PCDHGA6: variants seen among roughly 807,000 people sequenced by gnomAD.
The protein encoded by PCDHGA6 is protocadherin gamma subfamily A, 6.
Under a neutral mutation model 60.6 loss-of-function variants are expected in PCDHGA6, and 41 were observed. That is an observed-to-expected ratio of 0.68 (90% confidence interval 0.53 to 0.88). The LOEUF is 0.88. Among genes scored for constraint, PCDHGA6 ranks in the 40% least tolerant of loss-of-function variants. PCDHGA6 has a pLI of 0.00. For synonymous variants in PCDHGA6, 594 were observed against 524.4 expected, an observed-to-expected ratio of 1.13 and a Z score of -1.81; for missense variants, 1,312 against 1,203.0, an observed-to-expected ratio of 1.09 and a Z score of -1.34.
rs779656906 is a variant in PCDHGA6 at position 141,476,872 on chromosome 5, C to T, written c.2425-17935C>T. On this transcript the variant is annotated intron_variant, in intron 1 of 3. Transcript: ENST00000517434. The surrounding 1 kb of genome is among the most constrained non-coding windows in gnomAD (Gnocchi z 7.6). ...TCAACCAGTCCTTGTACCGGGCGCG[C>T]GTCCTGGAGGATGCACCCTCCGGCA... 1.6e-4 allele frequency: 254 copies of T among 1,613,734 alleles called. No individual in the cohort carries two copies. The highest frequency in any genetic ancestry group is 2.1e-4 in the Non-Finnish European group (248 of 1,180,054).
Position 141,500,251 on chromosome 5 carries a change from C to T in PCDHGA6, c.2484-5142C>T, listed in dbSNP as rs187199142. Among the ~76,000 whole-genome samples, 1,493 of 151,438 alleles carry T rather than the reference C, an allele frequency of 9.9e-3. 32 individuals are homozygous for T. Among genetic ancestry groups the T allele is most frequent in the African/African-American group, 0.035 (1,426 of 41,214 alleles). Reference sequence around the variant, plus strand: ...TGATACGTAGCCTTGCTCTGTCACCCAGGCTGGACTGCAGTGGCGCAATCT... The same window carrying T: ...TGATACGTAGCCTTGCTCTGTCACCTAGGCTGGACTGCAGTGGCGCAATCT... On this transcript the variant is annotated intron_variant, in intron 2 of 3. Coordinates refer to ENST00000517434, the MANE Select transcript of PCDHGA6 (RefSeq NM_018919.3).
At chr5:141,416,698 A>G (rs2096053724) in intron 1 of PCDHGA6, 1 of 152,250 alleles carries the variant, frequency 6.6e-6, no homozygotes, top group Non-Finnish European at 1.5e-5. Context: ...TAAACAAAGG[A>G]TCATTGGAGG....
intron 1 of PCDHGA6, among the ~76,000 whole-genome samples, chr5:141,488,938 A>T (rs1195859645): frequency 6.6e-6 from 1 of 152,154 alleles, no homozygotes; most frequent in East Asian, 1.9e-4. Context: ...AGGAAACTCC[A>T]TAATTGGTTG....
At chr5:141,382,959 G>A (rs994078805) in intron 1 of PCDHGA6, 3 of 1,607,324 alleles carry the variant, frequency 1.9e-6, no homozygotes, top group African/African-American at 1.3e-5. Flanking sequence ...CCATCCTCCT[G>A]GGGACCCCCT....
rs374663576 is a variant in PCDHGA6 at position 141,489,905 on chromosome 5, G to A, written c.2425-4902G>A. The A allele has an allele frequency of 2.8e-4, 459 of 1,614,108 alleles. No homozygotes were observed. Among genetic ancestry groups the A allele is most frequent in the Non-Finnish European group, 3.4e-4 (405 of 1,180,054 alleles). On this transcript the variant is annotated intron_variant, in intron 1 of 3. Coordinates refer to ENST00000517434, the MANE Select transcript of PCDHGA6 (RefSeq NM_018919.3). The surrounding 1 kb of genome is among the most constrained non-coding windows in gnomAD (Gnocchi z 4.5). ...GCTGTGGATGGGGGGACCCCAGCCC[G>A]CTCAGGGACCACCCTTATCTCTGTC...
chr5:141,441,905 C>G, intron 1 of PCDHGA6: 1 of 348,464 alleles, frequency 2.9e-6, no homozygotes, highest in Non-Finnish European at 5.5e-6. Flanking sequence ...GCTGTAGACG[C>G]AGATGTGAGA....
chr5:141,409,761 T>A, intron 1 of PCDHGA6: 1 of 1,612,966 alleles, frequency 6.2e-7, no homozygotes, highest in Non-Finnish European at 8.5e-7. Context: ...CAGCGCGCCT[T>A]TGATCACGAG....
In PCDHGA6 at chr5:141,477,787, C is replaced by A; in HGVS notation, c.2425-17020C>A. The stretch of plus-strand genomic sequence containing the variant: ...CCAACATCAGCGTGAACATATTTGT[C>A]ACTGATCGCAATGACAATGCCCCCC... On this transcript the variant is annotated intron_variant, in intron 1 of 3. Transcript: ENST00000517434. The surrounding 1 kb of genome is among the most constrained non-coding windows in gnomAD (Gnocchi z 4.9). The A allele has an allele frequency of 6.2e-7, 1 of 1,614,092 alleles. No homozygotes were observed. The highest frequency in any genetic ancestry group is 8.5e-7 in the Non-Finnish European group (1 of 1,180,034).
At chr5:141,436,335 A>T (rs2097814208) in intron 1 of PCDHGA6, among the ~76,000 whole-genome samples, 1 of 152,172 alleles carries the variant, frequency 6.6e-6, no homozygotes, top group African/African-American at 2.4e-5. Flanking sequence ...ACCATATCTC[A>T]AATATCAGTG....
At chr5:141,392,973 C>A (rs1405082783) in intron 1 of PCDHGA6, 1 of 1,613,888 alleles carries the variant, frequency 6.2e-7, no homozygotes, top group South Asian at 1.1e-5. Flanking sequence ...GGACCTGGGG[C>A]TGGACCCCCG....
intron 1 of PCDHGA6, among the ~76,000 whole-genome samples, chr5:141,468,178 T>G (rs1033546956): frequency 1.3e-5 from 2 of 151,580 alleles, no homozygotes; most frequent in African/African-American, 4.8e-5. Context: ...TAGAAAAATT[T>G]GCTGGGCATG....
chr5:141,455,787 C>T (rs1259121501), intron 1 of PCDHGA6, among the ~76,000 whole-genome samples: 2 of 152,004 alleles, frequency 1.3e-5, no homozygotes, highest in Non-Finnish European at 2.9e-5. Flanking sequence ...GAAACTTTTC[C>T]GGAGATGCTT....
intron 1 of PCDHGA6, among the ~76,000 whole-genome samples, chr5:141,425,919 G>C (rs11167745): frequency 0.3 from 45,848 of 152,124 alleles, 8,179 homozygotes; most frequent in African/African-American, 0.5. Context: ...CAGTCACTAC[G>C]AAAACTCATA....
intron 1 of PCDHGA6, chr5:141,395,555 TGTGTG>T: frequency 9.9e-6 from 1 of 101,256 alleles, no homozygotes; most frequent in Non-Finnish European, 1.7e-5. Context: ...TGTGTGTGTG[TGTGTG>T]TGTGTGTGTG....
At chr5:141,421,449 G>A (rs2096574013) in intron 1 of PCDHGA6, 2 of 1,614,010 alleles carry the variant, frequency 1.2e-6, no homozygotes, top group African/African-American at 1.3e-5. Flanking sequence ...GGAAGACACA[G>A]CTTTTCGCTG....
chr5:141,479,939 A>G (rs763454741), intron 1 of PCDHGA6, among the ~76,000 whole-genome samples: 2 of 152,004 alleles, frequency 1.3e-5, no homozygotes, highest in Non-Finnish European at 2.9e-5. Flanking sequence ...ATTGCTATCA[A>G]CTCTTGGATT....
intron 1 of PCDHGA6, chr5:141,409,464 C>G (rs1185218827): frequency 1.9e-6 from 3 of 1,613,940 alleles, no homozygotes; most frequent in Non-Finnish European, 1.7e-6. Context: ...TACAATGTCA[C>G]CATCGTAGCC....
chr5:141,479,606 T>TA (rs1315315740), intron 1 of PCDHGA6: 1 of 152,184 alleles, frequency 6.6e-6, no homozygotes, highest in Non-Finnish European at 1.5e-5. Context: ...GCCTAGGCAA[T>TA]ATAGGGAAAC....
rs1208504589 is a variant in PCDHGA6, at chr5:141,431,631, T to C, written c.2424+55124T>C. On this transcript the variant is annotated intron_variant, in intron 1 of 3. Coordinates refer to ENST00000517434, the MANE Select transcript of PCDHGA6 (RefSeq NM_018919.3). The surrounding 1 kb of genome is among the most constrained non-coding windows in gnomAD (Gnocchi z 4.8). ...TATGTGGACGACAAGGCGGCCCAAG[T>C]TTTCAAACTAGATTGTAATTCAGGG... The C allele has an allele frequency of 6.2e-6, 10 of 1,614,132 alleles. No individual in the cohort carries two copies. Among genetic ancestry groups the C allele is most frequent in the Non-Finnish European group, 8.5e-6 (10 of 1,180,016 alleles).
Sources: allele counts gnomAD v4.1 joint callset (sites outside exome capture counted in the v4.1 genomes callset), GRCh38; gene constraint gnomAD v4.1.1; non-coding constraint Gnocchi (gnomAD v3.1); transcripts MANE v1.5; gene names NCBI Gene and HGNC (gene_info 2026-07-23, HGNC 2026-07-21).